The following UCK1 variants were observed in gnomAD, a reference collection of about 807,000 sequenced individuals.
The protein encoded by UCK1 is uridine-cytidine kinase 1.
A neutral mutation model predicts 34.0 loss-of-function variants in UCK1; 20 were observed. The ratio of observed to expected loss-of-function variants is 0.59; its 90% CI spans 0.41 to 0.86. The LOEUF (loss-of-function observed/expected upper bound fraction) is 0.86, where lower values mean the gene tolerates loss of function less well. Among genes scored for constraint, UCK1 ranks in the 40% least tolerant of loss-of-function variants. UCK1 has a pLI of 0.00. For missense variants in UCK1, 343 were observed against 383.6 expected (o/e 0.89, Z 0.88); for synonymous variants, 168 against 155.9 (o/e 1.08, Z -0.58).
rs139377946 is a variant in UCK1 at position 131,526,590 on chromosome 9, G to A, written c.604-613C>T. On this transcript the variant is annotated intron_variant, in intron 5 of 6. Coordinates refer to ENST00000372215, the MANE Select transcript of UCK1 (RefSeq NM_031432.5). ...GCAGCCAGATGGTGGGGGTTGGGGGGTGGCTTTAGGGAAGGGGAAGCAGCC... is the reference window on the plus strand; with the variant it reads ...GCAGCCAGATGGTGGGGGTTGGGGGATGGCTTTAGGGAAGGGGAAGCAGCC... 904 of 1,167,690 alleles carry A rather than the reference G, an allele frequency of 7.7e-4. 7 individuals are homozygous for A. In the African/African-American group the frequency reaches 0.011, roughly 14 times the overall value. The allele number at this position is 1,167,690 out of a possible 1,614,324, so 72.3% of individuals were successfully genotyped here.
intron 5 of UCK1, chr9:131,526,375 C>T (rs1438199861): frequency 1.6e-6 from 2 of 1,251,648 alleles, no homozygotes; most frequent in South Asian, 1.3e-5. Flanking sequence ...CTGCAAATAC[C>T]CTGGCACAGC....
At chr9:131,526,119 A>G in intron 5 of UCK1, 142 bp from the exon 6 acceptor site, 4 of 928,756 alleles carry the variant, frequency 4.3e-6, no homozygotes, top group Non-Finnish European at 6.8e-6. Flanking sequence ...TGGGGGACAC[A>G]GACTCAGTCA....
chr9:131,531,217 T>G lies in UCK1; in HGVS notation c.-43A>C. 7.5e-7 allele frequency: 1 copy of G among 1,334,362 alleles called. No individual in the cohort carries two copies. Among genetic ancestry groups the G allele is most frequent in the Non-Finnish European group, 9.6e-7 (1 of 1,039,930 alleles). 82.7% of individuals were successfully genotyped at this position (1,334,362 alleles called of 1,614,324 possible). A position where few individuals can be genotyped will look rare whatever the true frequency, so the allele number is the denominator to read the frequency against. On this transcript the variant is annotated 5_prime_UTR_variant, in exon 1 of 7. Coordinates refer to ENST00000372215, the MANE Select transcript of UCK1 (RefSeq NM_031432.5). ...CGCATCGGGTCCCCGCGCCCGCCCC[T>G]TCCCCAGGCCCGGCGCGCCCGCCCA...
Position 131,529,156 on chromosome 9 carries a change from G to T in UCK1, c.480C>A (p.Thr160=), listed in dbSNP as rs149130090. Residue 160 remains threonine (T), a synonymous_variant, in exon 4 of 7, where the codon ACC becomes ACA. Transcript: ENST00000372215. ...TTCGAGACAGCCTGACGTCGGAGTC[G>T]GTGTCCACGAAGAGGCGCAGGTGGA... ...DMFHLRLFVD[T]DSDVRLSRRV... is the part of the protein sequence containing the mutation. 1.2e-6 allele frequency: 2 copies of T among 1,613,906 alleles called. No individual in the cohort carries two copies. The highest frequency in any genetic ancestry group is 4.5e-5 in the East Asian group (2 of 44,872).
rs2131971702 is a variant in UCK1 at position 131,524,886 on chromosome 9, ATC to A, written c.*152_*153del. 3 of 873,754 alleles carry A rather than the reference ATC, an allele frequency of 3.4e-6. No individual in the cohort carries two copies. The highest frequency in any genetic ancestry group is 5.1e-6 in the Non-Finnish European group (3 of 592,734). The allele number at this position is 873,754 out of a possible 1,614,324, so 54.1% of individuals were successfully genotyped here. A position where few individuals can be genotyped will look rare whatever the true frequency, so the allele number is the denominator to read the frequency against. ...CCAGCAAGTTGAGTCTGAGTGACAC[ATC>A]TGAGTTTCCACTCCTGAGTGAGGAA... is the stretch of plus-strand genomic sequence containing the variant. On this transcript the variant is annotated 3_prime_UTR_variant, in exon 7 of 7. Transcript: ENST00000372215.
intron 2 of UCK1, among the ~76,000 whole-genome samples, chr9:131,530,201 T>C (rs1471688684): frequency 1.3e-5 from 2 of 152,162 alleles, no homozygotes; most frequent in Admixed American, 6.5e-5. Context: ...ATGGGAGGAT[T>C]TCTCCAGGAT....
chr9:131,525,262 A>C, intron 6 of UCK1, 41 bp from the exon 7 acceptor site: 1 of 1,611,444 alleles, frequency 6.2e-7, no homozygotes, highest in African/African-American at 1.3e-5. Context: ...AGCCGCATCC[A>C]TCCTCCGTGG....
Position 131,530,564 on chromosome 9 carries a change from G to A in UCK1, c.190C>T (p.Gln64Ter). ...GTCAGGACCTTGTAGAACCTGTCCT[G>A]GCTCAGGATGACCACCTTCCGCTGC... ...QRQRKVVILS[Q>*]DRFYKVLTAE... Residue 64 changes from glutamine to a stop codon, truncating the protein, a stop_gained, in exon 2 of 7, where the codon CAG becomes TAG. Coordinates refer to ENST00000372215, the MANE Select transcript of UCK1 (RefSeq NM_031432.5). LOFTEE classifies it high-confidence loss of function. 1 of 1,614,228 alleles carries A rather than the reference G, an allele frequency of 6.2e-7. No individual in the cohort carries two copies. Among genetic ancestry groups the A allele is most frequent in the Non-Finnish European group, 8.5e-7 (1 of 1,180,038 alleles).
intron 5 of UCK1, chr9:131,526,443 A>T: frequency 3.1e-6 from 4 of 1,290,652 alleles, no homozygotes; most frequent in Non-Finnish European, 4.0e-6. Flanking sequence ...ATGGTAACTT[A>T]CTCCCTCATC....
chr9:131,523,852 C>T lies in UCK1; in HGVS notation c.*1188G>A, dbSNP rs1950421080. On this transcript the variant is annotated 3_prime_UTR_variant, in exon 7 of 7. Transcript: ENST00000372215. ...GATTCTCCCTCCAAAGGGGCCTAAG[C>T]TCGACAAAACCGTTACAGTTGTCAG... 6.5e-6 allele frequency: 1 copy of T among 152,746 alleles called. No individual in the cohort carries two copies. The highest frequency in any genetic ancestry group is 1.5e-5 in the Non-Finnish European group (1 of 68,450). The allele number at this position is 152,746 out of a possible 1,614,324, so 9.5% of individuals were successfully genotyped here. A position where few individuals can be genotyped will look rare whatever the true frequency, so the allele number is the denominator to read the frequency against.
chr9:131,528,868 A>C, intron 5 of UCK1, 76 bp downstream of exon 5: 1 of 1,539,418 alleles, frequency 6.5e-7, no homozygotes. Context: ...CCCAGCACTA[A>C]GCCCTCTCAC....
In UCK1 at chr9:131,528,981, G is replaced by A; in HGVS notation, c.566C>T (p.Thr189Ile). ...CTCCTCGAAGGCCGGCTTCACGAAG[G>A]TGGTGTACTGCGTCAGAATCTGCTC... ...DLEQILTQYT[T>I]FVKPAFEEFC... Residue 189 changes from threonine (T) to isoleucine (I), a missense_variant, in exon 5 of 7, where the codon ACC (threonine) becomes ATC (isoleucine). By Grantham distance (89) the Thr-to-Ile change is moderately conservative (BLOSUM62 -1). Coordinates refer to ENST00000372215, the MANE Select transcript of UCK1 (RefSeq NM_031432.5). 1 of 1,614,172 alleles carries A rather than the reference G, an allele frequency of 6.2e-7. No individual in the cohort carries two copies. Among genetic ancestry groups the A allele is most frequent in the East Asian group, 2.2e-5 (1 of 44,878 alleles).
At chr9:131,530,376 G>A (rs569423908) in intron 2 of UCK1, 110 bp downstream of exon 2, 58 of 1,346,330 alleles carry the variant, frequency 4.3e-5, no homozygotes, top group South Asian at 1.3e-4. Flanking sequence ...CGAGTTGGGG[G>A]AACAGCCCAA....
rs1484316247 is a variant in UCK1, at chr9:131,531,156, C to A, written c.19G>T (p.Glu7Ter). The A allele has an allele frequency of 7.0e-7, 1 of 1,428,608 alleles. No homozygotes were observed. Among genetic ancestry groups the A allele is most frequent in the African/African-American group, 1.5e-5 (1 of 66,628 alleles). The allele number at this position is 1,428,608 out of a possible 1,614,324, so 88.5% of individuals were successfully genotyped here. MASAGG[E>*]DCESPAPEAD... ...TCCGGCGCGGGGCTCTCGCAGTCTT[C>A]GCCTCCCGCCGAAGCCATCTCGGCC... Residue 7 changes from glutamate (E) to a stop codon, truncating the protein, a stop_gained, in exon 1 of 7, where the codon GAA becomes TAA. Transcript: ENST00000372215. LOFTEE classifies it high-confidence loss of function.
rs549549848 is a variant in UCK1 at position 131,529,638 on chromosome 9, G to A, written c.269-54C>T. The stretch of plus-strand genomic sequence containing the variant: ...GGCAGATGCCCTCGTGCAGCGGACA[G>A]CAGGGAACCCTCTCTGCTCTGGGGT... On this transcript the variant is annotated intron_variant, in intron 2 of 6. Transcript: ENST00000372215. 2.6e-6 allele frequency: 4 copies of A among 1,555,138 alleles called. No homozygotes were observed. In the East Asian group the frequency reaches 6.7e-5, roughly 26 times the overall value.
At position 131,524,937 on chromosome 9, in the gene UCK1, G is replaced by A. The variant is rs141544324; in HGVS notation, c.*103C>T. On this transcript the variant is annotated 3_prime_UTR_variant, in exon 7 of 7. Coordinates refer to ENST00000372215, the MANE Select transcript of UCK1 (RefSeq NM_031432.5). ...AAGGCCTCGCTGCTAACACTCCCCT[G>A]GGGTGCGCCGAGAGGAAGCAGTGGG... 2.8e-4 allele frequency: 395 copies of A among 1,399,098 alleles called. No homozygotes were observed. Among genetic ancestry groups the A allele is most frequent in the Non-Finnish European group, 3.6e-4 (373 of 1,033,294 alleles). The allele number at this position is 1,399,098 out of a possible 1,614,324, so 86.7% of individuals were successfully genotyped here.
chr9:131,530,832 G>T, intron 1 of UCK1, 187 bp from the exon 2 acceptor site: 1 of 1,137,456 alleles, frequency 8.8e-7, no homozygotes, highest in Non-Finnish European at 1.2e-6. Context: ...CACGGACTTG[G>T]GGCTCCGAGG....
rs1179598737 is a variant in UCK1, at chr9:131,530,623, A to G, written c.131T>C (p.Met44Thr). The change falls in exon 2 of 7, where the codon ATG (methionine) becomes ACG (threonine). Residue 44 changes from methionine to threonine, a missense_variant. Physicochemically the swap from Met to Thr is moderately conservative, Grantham distance 81. Coordinates refer to ENST00000372215, the MANE Select transcript of UCK1 (RefSeq NM_031432.5). ...SGKSTVCEKIMELLGQNEVEQ... is the reference protein window; with the variant it reads ...SGKSTVCEKITELLGQNEVEQ... ...CACCTCGTTCTGTCCCAGCAACTCC[A>G]TGATCTTCTCACACACGGTCGACTG... is the stretch of plus-strand genomic sequence containing the variant. The G allele has an allele frequency of 3.1e-6, 5 of 1,614,210 alleles. No individual in the cohort carries two copies. The highest frequency in any genetic ancestry group is 1.3e-5 in the African/African-American group (1 of 75,062).
rs1201830421 is a variant in UCK1, at chr9:131,531,182, TCCGCTCCCGCGCATCGGGTCC to T, written c.-29_-9del. 9.3e-6 allele frequency: 13 copies of T among 1,399,886 alleles called. No individual in the cohort carries two copies. Among genetic ancestry groups the T allele is most frequent in the Non-Finnish European group, 1.2e-5 (13 of 1,079,628 alleles). The allele number at this position is 1,399,886 out of a possible 1,614,324, so 86.7% of individuals were successfully genotyped here. On this transcript the variant is annotated 5_prime_UTR_variant, in exon 1 of 7. It removes an upstream start codon present in the reference 5' UTR. Coordinates refer to ENST00000372215, the MANE Select transcript of UCK1 (RefSeq NM_031432.5). The stretch of plus-strand genomic sequence containing the variant: ...GCCTCCCGCCGAAGCCATCTCGGCC[TCCGCTCCCGCGCATCGGGTCC>T]CCGCGCCCGCCCCTTCCCCAGGCCC...
Sources: gnomAD v4.1 joint callset for allele counts (sites outside exome capture counted in the v4.1 genomes callset) on GRCh38, gnomAD v4.1.1 for gene constraint, MANE v1.5 for transcripts, NCBI Gene and HGNC (gene_info 2026-07-23, HGNC 2026-07-21) for gene names.